The following UBL5 variants were observed in gnomAD, a reference collection of about 807,000 sequenced individuals.
The protein encoded by UBL5 is ubiquitin-like protein 5.
UBL5 carries 13 observed loss-of-function variants against 11.7 expected under a neutral mutation model. That is an observed-to-expected ratio of 1.11 (90% CI 0.73 to 1.77). UBL5 has a LOEUF of 1.77. Among genes scored for constraint, UBL5 ranks in the 40% most tolerant of loss-of-function variants. UBL5 has a pLI of 0.00. For synonymous variants in UBL5, 28 were observed against 34.7 expected (o/e 0.81, Z 0.68); for missense variants, 58 against 92.3 (o/e 0.63, Z 1.52).
At chr19:9,829,318 T>C (rs1261557708) in intron 4 of UBL5, 18 of 178,850 alleles carry the variant, frequency 1.0e-4, no homozygotes, top group Non-Finnish European at 1.2e-5. Context: ...GTAGCTGGGA[T>C]TACAGGTGTG....
At chr19:9,828,284 G>A (rs760236768) in intron 1 of UBL5, 43 bp from the exon 2 acceptor site, 40 of 1,594,462 alleles carry the variant, frequency 2.5e-5, no homozygotes, top group Admixed American at 5.0e-5. Flanking sequence ...GACGCCTGAA[G>A]CTCTGACTTT....
At chr19:9,829,882 C>T (rs2046046144) in intron 4 of UBL5, 83 bp from the exon 5 acceptor site, 1 of 1,552,998 alleles carries the variant, frequency 6.4e-7, no homozygotes, top group Admixed American at 1.7e-5. Context: ...GCTGAGACCT[C>T]AGGCCACCTG....
chr19:9,828,265 G>T, intron 1 of UBL5, 62 bp from the exon 2 acceptor site: 1 of 1,519,220 alleles, frequency 6.6e-7, no homozygotes, highest in Non-Finnish European at 9.1e-7. Flanking sequence ...GGGGCTTCTG[G>T]GCCTGGGAGA....
intron 4 of UBL5, chr19:9,829,098 CCTG>C (rs1356913500): frequency 1.7e-6 from 1 of 598,680 alleles, no homozygotes; most frequent in East Asian, 2.8e-5. Flanking sequence ...CTGACCTCCA[CCTG>C]AGTGCTGGAC....
chr19:9,827,976 C>T lies in UBL5; in HGVS notation c.-20C>T, dbSNP rs930189625. On this transcript the variant is annotated 5_prime_UTR_variant, in exon 1 of 5. Transcript: ENST00000586895. ...GCTGGTGGCGTCGGCAGGTTCGAGG[C>T]GATTCGAGGTGAGGGGGTCAAGCGG... 1.4e-5 allele frequency: 5 copies of T among 359,582 alleles called. No homozygotes were observed. The East Asian group carries it at 1.7e-4, about 12-fold the overall frequency. The allele number at this position is 359,582 out of a possible 1,614,324, so 22.3% of individuals were successfully genotyped here. A position where few individuals can be genotyped will look rare whatever the true frequency, so the allele number is the denominator to read the frequency against.
In UBL5 at chr19:9,828,680, G is replaced by A. The variant is rs1435205521; in HGVS notation, c.140+5G>A. On this transcript the variant is annotated splice_donor_5th_base_variant and intron_variant, in intron 3 of 4. Coordinates refer to ENST00000586895, the MANE Select transcript of UBL5 (RefSeq NM_001048241.3). ...CAAGATTGTCCTGAAGAAGTGGTGA[G>A]TGCAGCGGTAGAGCCACTGGGTGGA... 1 of 1,614,252 alleles carries A rather than the reference G, an allele frequency of 6.2e-7. No individual in the cohort carries two copies. Among genetic ancestry groups the A allele is most frequent in the Admixed American group, 1.7e-5 (1 of 60,028 alleles).
At chr19:9,828,019 G>A in intron 1 of UBL5, 35 bp downstream of exon 1, 1 of 477,926 alleles carries the variant, frequency 2.1e-6, no homozygotes, top group Non-Finnish European at 3.8e-6. Context: ...CGGAGTCGGA[G>A]AAAGCTGTCG....
intron 1 of UBL5, 49 bp from the exon 2 acceptor site, chr19:9,828,278 C>G: frequency 6.3e-7 from 1 of 1,576,640 alleles, no homozygotes; most frequent in Non-Finnish European, 8.7e-7. Context: ...CTGGGAGACG[C>G]CTGAAGCTCT....
chr19:9,828,270 G>A, intron 1 of UBL5, 57 bp from the exon 2 acceptor site: 1 of 1,542,666 alleles, frequency 6.5e-7, no homozygotes, highest in Non-Finnish European at 9.0e-7. Flanking sequence ...TTCTGGGCCT[G>A]GGAGACGCCT....
intron 3 of UBL5, 71 bp downstream of exon 3, chr19:9,828,746 G>A: frequency 3.7e-6 from 6 of 1,611,418 alleles, no homozygotes; most frequent in Non-Finnish European, 5.1e-6. Context: ...GAGCGCTGCA[G>A]GCAGCCCTTT....
intron 1 of UBL5, 88 bp from the exon 2 acceptor site, chr19:9,828,239 G>A: frequency 7.8e-7 from 1 of 1,289,904 alleles, no homozygotes; most frequent in Middle Eastern, 1.8e-4. Context: ...GCCTGGGACT[G>A]GGAGACTTGT....
At chr19:9,828,511 T>A in intron 2 of UBL5, 81 bp from the exon 3 acceptor site, 1 of 1,604,334 alleles carries the variant, frequency 6.2e-7, no homozygotes, top group Non-Finnish European at 8.5e-7. Context: ...GCGGATGGGG[T>A]CCTGGCAGAT....
chr19:9,828,427 G>T, intron 2 of UBL5, 34 bp downstream of exon 2: 1 of 1,613,498 alleles, frequency 6.2e-7, no homozygotes, highest in East Asian at 2.2e-5. Flanking sequence ...AGTGGTACCC[G>T]CAGGGGTGCT....
intron 1 of UBL5, 100 bp downstream of exon 1, chr19:9,828,084 T>C (rs1341742014): frequency 6.8e-6 from 4 of 585,046 alleles, no homozygotes; most frequent in Non-Finnish European, 1.2e-5. Flanking sequence ...GGGAGTTTTG[T>C]GGCAGGGCTT....
rs1421123667 is a variant in UBL5, at chr19:9,828,209, C to T, written c.-11-118C>T. On this transcript the variant is annotated intron_variant, in intron 1 of 4. Transcript: ENST00000586895. ...GGGGTTGGGGGCAGAACGGAAGGCT[C>T]AGTAACCTGGAATTTTAGGGCCTGG... The T allele has an allele frequency of 6.2e-6, 6 of 971,156 alleles. No homozygotes were observed. The East Asian group carries it at 1.2e-4, about 20-fold the overall frequency. The allele number at this position is 971,156 out of a possible 1,614,324, so 60.2% of individuals were successfully genotyped here. A position where few individuals can be genotyped will look rare whatever the true frequency, so the allele number is the denominator to read the frequency against.
chr19:9,828,088 A>G lies in UBL5; in HGVS notation c.-12+104A>G, dbSNP rs562112508. 1.9e-3 allele frequency: 1,118 copies of G among 586,206 alleles called. 2 individuals are homozygous for G. The highest frequency in any genetic ancestry group is 3.0e-3 in the Non-Finnish European group (988 of 329,140). The allele number at this position is 586,206 out of a possible 1,614,324, so 36.3% of individuals were successfully genotyped here. A position where few individuals can be genotyped will look rare whatever the true frequency, so the allele number is the denominator to read the frequency against. Reference sequence around the variant, plus strand: ...AGGTGAGGCCAGGGAGTTTTGTGGCAGGGCTTTCAGGCGGCGAGAAGGGGC... The same window carrying G: ...AGGTGAGGCCAGGGAGTTTTGTGGCGGGGCTTTCAGGCGGCGAGAAGGGGC... On this transcript the variant is annotated intron_variant, in intron 1 of 4. Transcript: ENST00000586895.
chr19:9,829,196 A>AT (rs1275170371), intron 4 of UBL5: 2 of 297,374 alleles, frequency 6.7e-6, no homozygotes, highest in East Asian at 1.3e-4. Context: ...TTATTTATTT[A>AT]TTTTTTTGAG....
chr19:9,828,132 G>C, intron 1 of UBL5, 148 bp downstream of exon 1: 2 of 608,244 alleles, frequency 3.3e-6, no homozygotes, highest in Non-Finnish European at 2.9e-6. Flanking sequence ...GGCTCCCCGG[G>C]GTTCGCGGCC....
chr19:9,828,254 TG>T, intron 1 of UBL5, 72 bp from the exon 2 acceptor site: 1 of 1,422,888 alleles, frequency 7.0e-7, no homozygotes, highest in Non-Finnish European at 9.9e-7. Context: ...ACTTGTAGGC[TG>T]GGGCTTCTGG....
Sources: gnomAD v4.1 joint callset for allele counts on GRCh38, gnomAD v4.1.1 for gene constraint, MANE v1.5 for transcripts, NCBI Gene and HGNC (gene_info 2026-07-23, HGNC 2026-07-21) for gene names.